CEP112: variants seen among roughly 807,000 people sequenced by gnomAD.
CEP112 encodes the protein centrosomal protein of 112 kDa.
A neutral mutation model predicts 153.0 loss-of-function variants in CEP112; 127 were observed. The ratio of observed to expected loss-of-function variants is 0.83; its 90% CI spans 0.72 to 0.96. The LOEUF (loss-of-function observed/expected upper bound fraction) is 0.96, where lower values mean the gene tolerates loss of function less well. Ranked by LOEUF, CEP112 falls within the 40% of genes least tolerant of loss-of-function variation. The probability of loss-of-function intolerance (pLI) is 0.00; values close to 1 mark genes in which losing one functional copy is unlikely to be tolerated. For missense variants in CEP112, 1,089 were observed against 1,101.2 expected (o/e 0.99, Z 0.16); for synonymous variants, 358 against 374.4 (o/e 0.96, Z 0.51).
intron 3 of CEP112, 149 bp downstream of exon 3, chr17:66,176,681 A>G: frequency 2.0e-6 from 1 of 500,340 alleles, no homozygotes; most frequent in Non-Finnish European, 3.4e-6. Flanking sequence ...TTAAAGGTGG[A>G]AAAAAATTGA....
intron 23 of CEP112, among the ~76,000 whole-genome samples, chr17:65,710,438 T>C (rs1304403098): frequency 6.6e-6 from 1 of 152,220 alleles, no homozygotes; most frequent in African/African-American, 2.4e-5. Context: ...CTAAGTCACC[T>C]GAAATACTTT....
intron 8 of CEP112, among the ~76,000 whole-genome samples, chr17:66,079,083 G>A (rs981585354): frequency 6.6e-6 from 1 of 152,022 alleles, no homozygotes; most frequent in South Asian, 2.1e-4. Flanking sequence ...CAGTAAGAAT[G>A]GCTATTACTA....
At chr17:65,960,338 T>C (rs1319674424) in intron 18 of CEP112, among the ~76,000 whole-genome samples, 1 of 152,176 alleles carries the variant, frequency 6.6e-6, no homozygotes, top group East Asian at 1.9e-4. Flanking sequence ...TGTTCATATT[T>C]ATATAATTTT....
intron 20 of CEP112, among the ~76,000 whole-genome samples, chr17:65,880,106 T>A (rs1347279378): frequency 9.8e-5 from 15 of 152,314 alleles, no homozygotes; most frequent in South Asian, 4.1e-4. Flanking sequence ...CGGTATTTTT[T>A]AAAAAATATG....
chr17:66,053,316 A>C (rs146828155), intron 12 of CEP112, among the ~76,000 whole-genome samples: 51 of 152,132 alleles, frequency 3.4e-4, no homozygotes, highest in African/African-American at 1.2e-3. Context: ...CCTGGCCAAC[A>C]TGGTGAAACC....
chr17:65,671,013 ATAGAT>A (rs1428254237), intron 24 of CEP112, among the ~76,000 whole-genome samples: 1 of 152,114 alleles, frequency 6.6e-6, no homozygotes, highest in East Asian at 1.9e-4. Flanking sequence ...AAACAACATA[ATAGAT>A]TATACAAAGA....
chr17:66,169,838 T>G (rs2072169294), intron 4 of CEP112, among the ~76,000 whole-genome samples: 1 of 152,218 alleles, frequency 6.6e-6, no homozygotes, highest in South Asian at 2.1e-4. Context: ...TTAACAGCTT[T>G]AAACAACACA....
At chr17:65,971,963 CCTCT>C (rs2062857106) in intron 17 of CEP112, among the ~76,000 whole-genome samples, 1 of 152,074 alleles carries the variant, frequency 6.6e-6, no homozygotes, top group African/African-American at 2.4e-5. Context: ...TTTCAATATC[CCTCT>C]CTATCAATAA....
chr17:65,689,899 A>G (rs908149260), intron 23 of CEP112, among the ~76,000 whole-genome samples: 1 of 152,150 alleles, frequency 6.6e-6, no homozygotes, highest in African/African-American at 2.4e-5. Flanking sequence ...TCCATGTGCT[A>G]TTTCTATAAT....
At chr17:65,774,739 T>C (rs1464753242) in intron 21 of CEP112, among the ~76,000 whole-genome samples, 1 of 152,134 alleles carries the variant, frequency 6.6e-6, no homozygotes, top group African/African-American at 2.4e-5. Flanking sequence ...GGGGAGTGAC[T>C]GAGGCCTGAG....
chr17:65,967,010 G>A (rs138760581), intron 17 of CEP112, among the ~76,000 whole-genome samples: 67 of 152,316 alleles, frequency 4.4e-4, no homozygotes, highest in African/African-American at 1.4e-3. Context: ...ATTCTCATAA[G>A]CTCAATGAAA....
At chr17:65,702,934 C>A (rs1490336870) in intron 23 of CEP112, among the ~76,000 whole-genome samples, 3 of 152,142 alleles carry the variant, frequency 2.0e-5, no homozygotes, top group Non-Finnish European at 2.9e-5. Flanking sequence ...CCCTTCCAGT[C>A]CCTCCCATGA....
At chr17:66,189,296 T>C (rs944400267) in intron 1 of CEP112, among the ~76,000 whole-genome samples, 5 of 150,770 alleles carry the variant, frequency 3.3e-5, no homozygotes, top group Admixed American at 2.0e-4. Flanking sequence ...AGGTCAGGAG[T>C]TCAAGACCAG....
chr17:65,846,759 C>T (rs905062719), intron 21 of CEP112, among the ~76,000 whole-genome samples: 2 of 152,066 alleles, frequency 1.3e-5, no homozygotes, highest in Admixed American at 6.6e-5. Flanking sequence ...TTAGTAGAGA[C>T]GGGGTTTCAC....
chr17:66,062,757 T>G (rs543532295), intron 11 of CEP112, among the ~76,000 whole-genome samples: 2 of 152,288 alleles, frequency 1.3e-5, no homozygotes, highest in African/African-American at 4.8e-5. Context: ...AAGAATATTT[T>G]CTAAATGAAA....
intron 17 of CEP112, among the ~76,000 whole-genome samples, chr17:65,965,483 T>C (rs906387379): frequency 1.3e-5 from 2 of 151,896 alleles, no homozygotes; most frequent in Non-Finnish European, 2.9e-5. Context: ...AATGAATACA[T>C]TGAGCTCCAC....
At chr17:65,913,109 A>T (rs1371599779) in intron 19 of CEP112, among the ~76,000 whole-genome samples, 3 of 152,214 alleles carry the variant, frequency 2.0e-5, no homozygotes, top group African/African-American at 4.8e-5. Flanking sequence ...TATATTTAAC[A>T]TCATCAGGTT....
At chr17:65,766,612 C>T (rs2052992983) in intron 21 of CEP112, among the ~76,000 whole-genome samples, 1 of 151,554 alleles carries the variant, frequency 6.6e-6, no homozygotes, top group Non-Finnish European at 1.5e-5. Flanking sequence ...AAATCAAGAT[C>T]CAATTATATG....
chr17:65,733,608 G>A (rs2145035869), intron 23 of CEP112, among the ~76,000 whole-genome samples: 1 of 152,306 alleles, frequency 6.6e-6, no homozygotes, highest in East Asian at 1.9e-4. Flanking sequence ...GTTACCACAA[G>A]ATCTGAGTTC....
Sources: gnomAD v4.1 joint callset for allele counts (sites outside exome capture counted in the v4.1 genomes callset) on GRCh38, gnomAD v4.1.1 for gene constraint, MANE v1.5 for transcripts, NCBI Gene and HGNC (gene_info 2026-07-23, HGNC 2026-07-21) for gene names.